AUTS2: variants seen among roughly 807,000 people sequenced by gnomAD.
AUTS2 encodes autism susceptibility gene 2 protein.
Under a neutral mutation model 112.4 loss-of-function variants are expected in AUTS2, and 17 were observed. That is an observed-to-expected ratio of 0.15 (90% confidence interval 0.10 to 0.23). AUTS2 has a LOEUF of 0.23. Ranked by LOEUF, AUTS2 falls within the 10% of genes least tolerant of loss-of-function variation. The pLI is 1.00. For synonymous variants in AUTS2, 751 were observed against 702.7 expected (o/e 1.07, Z -1.09); for missense variants, 1,510 against 1,701.6 (o/e 0.89, Z 1.98).
chr7:70,150,002 C>T (rs982276377), intron 4 of AUTS2, among the ~76,000 whole-genome samples: 21 of 151,914 alleles, frequency 1.4e-4, no homozygotes, highest in African/African-American at 4.8e-4. Context: ...AATGTTTACT[C>T]ATGTACTTAA....
chr7:70,388,291 A>T (rs924428641), intron 4 of AUTS2, among the ~76,000 whole-genome samples: 1 of 152,058 alleles, frequency 6.6e-6, no homozygotes, highest in Non-Finnish European at 1.5e-5. Flanking sequence ...TTGTATTTCC[A>T]TTATTTATGT....
intron 1 of AUTS2, among the ~76,000 whole-genome samples, chr7:69,862,315 A>G (rs1424580656): frequency 2.0e-5 from 3 of 152,238 alleles, no homozygotes; most frequent in Non-Finnish European, 2.9e-5. Context: ...AGATGTTACA[A>G]CAGGTACCAA....
At chr7:70,620,019 C>A (rs1357172690) in intron 5 of AUTS2, among the ~76,000 whole-genome samples, 1 of 152,172 alleles carries the variant, frequency 6.6e-6, no homozygotes, top group Non-Finnish European at 1.5e-5. Flanking sequence ...ACCCTGCCAC[C>A]CTCCCTGTAC....
chr7:70,394,834 T>A (rs1168449992), intron 4 of AUTS2, among the ~76,000 whole-genome samples: 1 of 151,898 alleles, frequency 6.6e-6, no homozygotes, highest in Non-Finnish European at 1.5e-5. Context: ...TCCCAATGCT[T>A]TGGGAGGCCA....
chr7:69,969,072 A>G (rs748157401), intron 2 of AUTS2, among the ~76,000 whole-genome samples: 17 of 152,056 alleles, frequency 1.1e-4, no homozygotes, highest in Non-Finnish European at 1.9e-4. Flanking sequence ...TCAGTAGATT[A>G]CTTTCCTTTG....
chr7:70,063,565 T>G (rs908615003), intron 2 of AUTS2, among the ~76,000 whole-genome samples: 1 of 151,996 alleles, frequency 6.6e-6, no homozygotes, highest in Admixed American at 6.6e-5. Context: ...ACTTCTGGAG[T>G]GTTTTGAATG....
At chr7:70,732,998 T>C (rs2129552964) in intron 6 of AUTS2, among the ~76,000 whole-genome samples, 1 of 152,328 alleles carries the variant, frequency 6.6e-6, no homozygotes, top group East Asian at 1.9e-4. Flanking sequence ...TTGCATCTTA[T>C]GCTATTTCCA....
At chr7:69,600,109 T>TG in intron 1 of AUTS2, 147 bp downstream of exon 1, 1 of 860,310 alleles carries the variant, frequency 1.2e-6, no homozygotes, top group Non-Finnish European at 1.8e-6. Flanking sequence ...TTATTGTTGG[T>TG]GGGGGGAGCT....
At chr7:70,771,108 T>C (rs573435194) in intron 10 of AUTS2, 1 of 153,060 alleles carries the variant, frequency 6.5e-6, no homozygotes, top group African/African-American at 2.4e-5. Flanking sequence ...TGGTATAAAA[T>C]CCTGGCACTC....
intron 4 of AUTS2, among the ~76,000 whole-genome samples, chr7:70,397,630 C>T (rs1037342449): frequency 6.6e-6 from 1 of 151,016 alleles, no homozygotes; most frequent in Admixed American, 6.6e-5. Context: ...TATTTATTTA[C>T]ATATGTATAC....
At chr7:70,292,349 C>T (rs1055222688) in intron 4 of AUTS2, 1 of 152,254 alleles carries the variant, frequency 6.6e-6, no homozygotes, top group African/African-American at 2.4e-5. Context: ...ACAGTTGTAG[C>T]CACTCAGTGT....
At chr7:70,164,026 C>T (rs1239834284) in intron 4 of AUTS2, among the ~76,000 whole-genome samples, 1 of 152,158 alleles carries the variant, frequency 6.6e-6, no homozygotes, top group Non-Finnish European at 1.5e-5. Flanking sequence ...CGCAGACACC[C>T]TGCAATGCTT....
chr7:70,628,029 G>A (rs552964173), intron 5 of AUTS2, among the ~76,000 whole-genome samples: 151 of 152,292 alleles, frequency 9.9e-4, no homozygotes, highest in African/African-American at 3.5e-3. Flanking sequence ...CATGGGCACA[G>A]GTATGGAGGT....
intron 5 of AUTS2, among the ~76,000 whole-genome samples, chr7:70,486,900 C>G (rs1039460414): frequency 1.8e-4 from 20 of 111,306 alleles, no homozygotes; most frequent in African/African-American, 7.4e-4. Context: ...TTTGTATTCC[C>G]CCCCCCCCAA....
chr7:69,856,988 G>A (rs1584347749), intron 1 of AUTS2, among the ~76,000 whole-genome samples: 1 of 152,260 alleles, frequency 6.6e-6, no homozygotes, highest in African/African-American at 2.4e-5. Flanking sequence ...GGAATTTCAC[G>A]GCTCCAGAGG....
intron 12 of AUTS2, chr7:70,774,404 T>C (rs920919851): frequency 5.8e-6 from 2 of 345,288 alleles, no homozygotes; most frequent in Non-Finnish European, 1.1e-5. Flanking sequence ...CTTCTCTGTC[T>C]GTATCTCCTT....
At chr7:69,792,782 A>G (rs1240559405) in intron 1 of AUTS2, among the ~76,000 whole-genome samples, 1 of 152,136 alleles carries the variant, frequency 6.6e-6, no homozygotes, top group Non-Finnish European at 1.5e-5. Context: ...GTGTACATAC[A>G]TTACCAGGCT....
intron 4 of AUTS2, among the ~76,000 whole-genome samples, chr7:70,196,497 C>T (rs1417080604): frequency 1.3e-5 from 2 of 152,160 alleles, no homozygotes; most frequent in African/African-American, 4.8e-5. Flanking sequence ...AGGAAGGATT[C>T]AGAGCATGTC....
At chr7:70,527,122 TCTC>T (rs775202404) in intron 5 of AUTS2, among the ~76,000 whole-genome samples, 4 of 152,200 alleles carry the variant, frequency 2.6e-5, no homozygotes, top group Non-Finnish European at 4.4e-5. Context: ...GTTGTTCTGG[TCTC>T]CTCCAGAAAT....
Sources: gnomAD v4.1 joint callset for allele counts (sites outside exome capture counted in the v4.1 genomes callset) on GRCh38, gnomAD v4.1.1 for gene constraint, MANE v1.5 for transcripts, NCBI Gene and HGNC (gene_info 2026-07-23, HGNC 2026-07-21) for gene names.